The following ACOT12 variants were observed in gnomAD, a reference collection of about 807,000 sequenced individuals.
ACOT12 encodes the protein acyl-CoA thioesterase 12.
Under a neutral mutation model 67.7 loss-of-function variants are expected in ACOT12, and 51 were observed. The ratio of observed to expected loss-of-function variants is 0.75; its 90% confidence interval spans 0.60 to 0.95. ACOT12 has a LOEUF of 0.95. Among genes scored for constraint, ACOT12 ranks in the 40% least tolerant of loss-of-function variants. The probability of loss-of-function intolerance (pLI) is 0.00; values close to 1 mark genes in which losing one functional copy is unlikely to be tolerated. For missense variants in ACOT12, 734 were observed against 708.1 expected (o/e 1.04, Z -0.41); for synonymous variants, 251 against 244.6 (o/e 1.03, Z -0.24).
chr5:81,328,717 A>G (rs1268054270), downstream of ACOT12, among the ~76,000 whole-genome samples: 1 of 152,224 alleles, frequency 6.6e-6, no homozygotes, highest in African/African-American at 2.4e-5. Context: ...TCAGAAACAT[A>G]AAAGTGAAAT....
chr5:81,333,662 G>A (rs1198703835), intron 12 of ACOT12, among the ~76,000 whole-genome samples: 2 of 152,204 alleles, frequency 1.3e-5, no homozygotes, highest in Non-Finnish European at 2.9e-5. Flanking sequence ...CTAAAAGCTT[G>A]TACTGGTAGA....
intron 11 of ACOT12, 74 bp from the exon 12 acceptor site, chr5:81,335,975 T>C (rs752044430): frequency 7.2e-5 from 105 of 1,466,644 alleles, no homozygotes; most frequent in Middle Eastern, 1.9e-4. Flanking sequence ...TGCATATATA[T>C]GTAGTCATAG....
At chr5:81,323,083 G>GAAAAAAAAAAAAAAAAAAAAAAAAAAAAA in the ACOT12 span, among the ~76,000 whole-genome samples, 2 of 104,072 alleles carry the variant, frequency 1.9e-5, no homozygotes, top group South Asian at 3.2e-4. Flanking sequence ...ATAGCAAAAA[G>GAAAAAAAAAAAAAAAAAAAAAAAAAAAAA]AAAAAAAAAA....
the ACOT12 span, chr5:81,311,414 T>G: frequency 3.3e-6 from 3 of 922,492 alleles, no homozygotes; most frequent in Non-Finnish European, 5.1e-6. Flanking sequence ...TAGCAATGAC[T>G]TAATCTCTGT....
At chr5:81,330,790 C>T (rs1261275867) in intron 14 of ACOT12, 24 bp downstream of exon 14, 6 of 1,607,134 alleles carry the variant, frequency 3.7e-6, no homozygotes, top group Non-Finnish European at 4.2e-6. Context: ...GCCAATTAAT[C>T]TGCAGATGTT....
At chr5:81,354,440 A>G (rs929101861) in intron 5 of ACOT12, among the ~76,000 whole-genome samples, 1 of 152,172 alleles carries the variant, frequency 6.6e-6, no homozygotes, top group Admixed American at 6.5e-5. Context: ...CTTGCACAAC[A>G]CCAGAAGAAG....
intron 5 of ACOT12, among the ~76,000 whole-genome samples, chr5:81,358,116 A>C (rs981903006): frequency 2.6e-5 from 4 of 152,096 alleles, no homozygotes; most frequent in African/African-American, 4.8e-5. Context: ...CTCCTTATGA[A>C]CTCAGGTAGT....
intron 3 of ACOT12, 135 bp from the exon 4 acceptor site, chr5:81,364,024 A>G (rs1759999865): frequency 2.1e-6 from 1 of 471,478 alleles, no homozygotes; most frequent in African/African-American, 2.0e-5. Flanking sequence ...ATTTTTAAGC[A>G]ATAGAATTAT....
chr5:81,337,547 G>A (rs938109492), intron 11 of ACOT12, among the ~76,000 whole-genome samples: 1 of 152,124 alleles, frequency 6.6e-6, no homozygotes, highest in East Asian at 1.9e-4. Context: ...TATTAAAAAG[G>A]GACATTGGAC....
chr5:81,358,875 G>A (rs554575143), intron 5 of ACOT12, among the ~76,000 whole-genome samples: 95 of 152,002 alleles, frequency 6.2e-4, no homozygotes, highest in African/African-American at 2.2e-3. Context: ...AATCAAGTTG[G>A]TAATGGGTAT....
chr5:81,376,543 A>AT (rs1760421270), intron 2 of ACOT12, among the ~76,000 whole-genome samples: 1 of 151,982 alleles, frequency 6.6e-6, no homozygotes, highest in Non-Finnish European at 1.5e-5. Flanking sequence ...AAGTCAATGA[A>AT]TCCAGAAGCT....
chr5:81,331,011 T>G lies in ACOT12; in HGVS notation c.1392-71A>C, dbSNP rs1758804615. 2.1e-6 allele frequency: 3 copies of G among 1,458,460 alleles called. No individual in the cohort carries two copies. In the South Asian group the frequency reaches 4.7e-5, roughly 23 times the overall value. 90.3% of individuals were successfully genotyped at this position (1,458,460 alleles called of 1,614,324 possible). A position where few individuals can be genotyped will look rare whatever the true frequency, so the allele number is the denominator to read the frequency against. On this transcript the variant is annotated intron_variant, in intron 13 of 14. Transcript: ENST00000307624. ...TTGTTAGAAAATAAATCCCTATAGT[T>G]AACCCAATTTACTTATACAGGTAGA...
chr5:81,321,572 C>T, the ACOT12 span, among the ~76,000 whole-genome samples: 1 of 152,086 alleles, frequency 6.6e-6, no homozygotes, highest in Non-Finnish European at 1.5e-5. Flanking sequence ...CAAAAAACTA[C>T]CAGACTTAAA....
At chr5:81,345,832 T>C (rs1759362232) in intron 7 of ACOT12, 53 bp downstream of exon 7, 3 of 1,606,648 alleles carry the variant, frequency 1.9e-6, no homozygotes, top group Non-Finnish European at 8.5e-7. Context: ...AAATTAAAAA[T>C]TACATTTGTG....
At chr5:81,312,586 C>T in the ACOT12 span, 1 of 1,613,814 alleles carries the variant, frequency 6.2e-7, no homozygotes, top group Non-Finnish European at 8.5e-7. Context: ...GGAATGAGTG[C>T]AGACTATGAA....
chr5:81,344,532 A>T (rs931021210), intron 8 of ACOT12, among the ~76,000 whole-genome samples: 1 of 152,202 alleles, frequency 6.6e-6, no homozygotes, highest in African/African-American at 2.4e-5. Flanking sequence ...GCAATCAGGT[A>T]ATTTAGGGAT....
chr5:81,368,725 C>T (rs1215088721), intron 3 of ACOT12, among the ~76,000 whole-genome samples: 1 of 151,588 alleles, frequency 6.6e-6, no homozygotes, highest in Non-Finnish European at 1.5e-5. Flanking sequence ...AATCAATTTC[C>T]CAAGATTCTA....
chr5:81,311,856 G>A, the ACOT12 span, among the ~76,000 whole-genome samples: 1 of 152,180 alleles, frequency 6.6e-6, no homozygotes, highest in Non-Finnish European at 1.5e-5. Context: ...TATTACATTA[G>A]TTTGCCTGGA....
Position 81,330,557 on chromosome 5 carries a change from A to G in ACOT12, c.1519-14T>C, listed in dbSNP as rs759331443. On this transcript the variant is annotated splice_polypyrimidine_tract_variant and intron_variant, in intron 14 of 14. Transcript: ENST00000307624. ...AAAGTAAGATACCTGTTTCAAAAAG[A>G]AAGTACAATATTTTAATTTCTTATT... 5.0e-6 allele frequency: 8 copies of G among 1,611,988 alleles called. No homozygotes were observed. In the African/African-American group the frequency reaches 8.0e-5, roughly 16 times the overall value.
Sources: allele counts gnomAD v4.1 joint callset (sites outside exome capture counted in the v4.1 genomes callset), GRCh38; gene constraint gnomAD v4.1.1; transcripts MANE v1.5; gene names NCBI Gene and HGNC (gene_info 2026-07-23, HGNC 2026-07-21).